Variants in FAM184A observed in about 807,000 individuals in gnomAD.
FAM184A encodes the protein protein FAM184A.
In FAM184A, 99 loss-of-function variants were observed where a neutral mutation model predicts 143.8. The ratio of observed to expected loss-of-function variants is 0.69; its 90% CI spans 0.58 to 0.81. The LOEUF (loss-of-function observed/expected upper bound fraction) is 0.81. FAM184A is among the 40% of genes least tolerant of loss of function. The pLI is 0.00. For missense variants in FAM184A, 1,217 were observed against 1,310.5 expected (o/e 0.93, Z 1.10); for synonymous variants, 427 against 446.4 (o/e 0.96, Z 0.55).
intron 1 of FAM184A, among the ~76,000 whole-genome samples, chr6:119,069,507 C>A (rs1256011623): frequency 6.6e-6 from 1 of 152,178 alleles, no homozygotes; most frequent in Non-Finnish European, 1.5e-5. Context: ...ATCTGCTCAA[C>A]CACCAAGGCC....
At chr6:119,059,559 T>C (rs910649529) in intron 1 of FAM184A, among the ~76,000 whole-genome samples, 14 of 152,328 alleles carry the variant, frequency 9.2e-5, no homozygotes, top group East Asian at 5.8e-4. Flanking sequence ...TTCCAACTTA[T>C]TTGTTTTAAA....
intron 1 of FAM184A, among the ~76,000 whole-genome samples, chr6:119,052,294 A>G (rs1332001211): frequency 6.6e-6 from 1 of 152,170 alleles, no homozygotes; most frequent in African/African-American, 2.4e-5. Flanking sequence ...ATGTTACCTA[A>G]GAGTTCCTCC....
intron 5 of FAM184A, among the ~76,000 whole-genome samples, chr6:119,015,685 G>A (rs1485632066): frequency 6.6e-6 from 1 of 152,292 alleles, no homozygotes; most frequent in East Asian, 1.9e-4. Flanking sequence ...CAGTCCCATC[G>A]ACCGCCCAAG....
At chr6:119,054,886 T>G (rs1786900216) in intron 1 of FAM184A, among the ~76,000 whole-genome samples, 1 of 152,102 alleles carries the variant, frequency 6.6e-6, no homozygotes, top group Admixed American at 6.6e-5. Flanking sequence ...AATAACAGCT[T>G]TGAGATATAA....
At chr6:119,004,531 T>C (rs532631215) in intron 7 of FAM184A, among the ~76,000 whole-genome samples, 1 of 152,374 alleles carries the variant, frequency 6.6e-6, no homozygotes, top group Non-Finnish European at 1.5e-5. Context: ...CTAGTAATTC[T>C]TTAATTTTCC....
At chr6:119,027,564 A>G (rs1452685919) in intron 1 of FAM184A, among the ~76,000 whole-genome samples, 1 of 152,206 alleles carries the variant, frequency 6.6e-6, no homozygotes, top group Non-Finnish European at 1.5e-5. Flanking sequence ...GGAAAACCCC[A>G]AAGTTCCTTT....
intron 1 of FAM184A, among the ~76,000 whole-genome samples, chr6:119,100,789 T>G (rs1354873571): frequency 6.6e-6 from 1 of 151,802 alleles, no homozygotes; most frequent in African/African-American, 2.4e-5. Context: ...AAACCTCGTC[T>G]CTACTAAAAA....
chr6:118,962,302 G>C (rs139869926), intron 16 of FAM184A: 33 of 233,040 alleles, frequency 1.4e-4, no homozygotes, highest in African/African-American at 6.3e-4. Context: ...TTAGGGGAGA[G>C]AGCAAGTCTT....
chr6:118,983,957 T>C (rs1401145103), intron 9 of FAM184A, among the ~76,000 whole-genome samples: 1 of 151,332 alleles, frequency 6.6e-6, no homozygotes, highest in African/African-American at 2.4e-5. Flanking sequence ...GAGACCGGCC[T>C]GGCCAACATG....
In FAM184A at chr6:118,974,656, A is replaced by G. The variant is rs939489992; in HGVS notation, c.2769-82T>C. ...TTTCTATTATTCTACCAGATTTGAA[A>G]TGGTTTTTGGTATAATATATAGAAA... is the stretch of plus-strand genomic sequence containing the variant. On this transcript the variant is annotated intron_variant, in intron 13 of 17. Coordinates refer to ENST00000338891, the MANE Select transcript of FAM184A (RefSeq NM_024581.6). 3.2e-6 allele frequency: 4 copies of G among 1,242,654 alleles called. No individual in the cohort carries two copies. The African/African-American group carries it at 6.1e-5, about 19-fold the overall frequency. 77.0% of individuals were successfully genotyped at this position (1,242,654 alleles called of 1,614,324 possible).
At chr6:119,028,871 G>C (rs181172592) in intron 1 of FAM184A, among the ~76,000 whole-genome samples, 50 of 152,230 alleles carry the variant, frequency 3.3e-4, no homozygotes, top group East Asian at 2.1e-3. Context: ...GCTATCTTCA[G>C]GCAGATAGTG....
At chr6:119,041,118 A>T (rs1483422168) in intron 1 of FAM184A, among the ~76,000 whole-genome samples, 1 of 152,148 alleles carries the variant, frequency 6.6e-6, no homozygotes, top group Non-Finnish European at 1.5e-5. Context: ...CAGTTAATGG[A>T]GAAATAAGCT....
At chr6:119,086,019 G>C (rs1185266346) in intron 1 of FAM184A, among the ~76,000 whole-genome samples, 1 of 152,038 alleles carries the variant, frequency 6.6e-6, no homozygotes, top group Non-Finnish European at 1.5e-5. Context: ...CTCCTACCAG[G>C]CTGCACCTCC....
chr6:119,144,466 G>A (rs1772356001), intron 1 of FAM184A, among the ~76,000 whole-genome samples: 1 of 152,304 alleles, frequency 6.6e-6, no homozygotes, highest in African/African-American at 2.4e-5. Flanking sequence ...GACAGGTGCT[G>A]GCTTTGCCCT....
intron 3 of FAM184A, among the ~76,000 whole-genome samples, chr6:119,022,600 C>T (rs543062384): frequency 7.9e-5 from 12 of 152,160 alleles, no homozygotes; most frequent in African/African-American, 2.9e-4. Context: ...TGGGGCCGAG[C>T]GTGGTGGCTC....
intron 9 of FAM184A, among the ~76,000 whole-genome samples, chr6:118,990,686 C>T (rs528108745): frequency 1.6e-4 from 24 of 150,266 alleles, no homozygotes; most frequent in African/African-American, 5.4e-4. Context: ...GCCAACATGG[C>T]GAAACCTCGT....
chr6:119,030,770 T>C (rs1376497457), intron 1 of FAM184A, among the ~76,000 whole-genome samples: 1 of 151,512 alleles, frequency 6.6e-6, no homozygotes, highest in African/African-American at 2.4e-5. Flanking sequence ...TTTTTACAAA[T>C]AGAAAAAAAA....
At chr6:119,091,581 G>A (rs1194160143) in intron 1 of FAM184A, among the ~76,000 whole-genome samples, 1 of 152,170 alleles carries the variant, frequency 6.6e-6, no homozygotes, top group Non-Finnish European at 1.5e-5. Flanking sequence ...GCAAACTGAT[G>A]TTATACAGGT....
chr6:118,994,156 A>G (rs982988706), intron 9 of FAM184A, among the ~76,000 whole-genome samples: 1 of 152,152 alleles, frequency 6.6e-6, no homozygotes, highest in African/African-American at 2.4e-5. Context: ...TTTAACACCC[A>G]ATTTGCAGTT....
Sources: allele counts gnomAD v4.1 joint callset (sites outside exome capture counted in the v4.1 genomes callset), GRCh38; gene constraint gnomAD v4.1.1; transcripts MANE v1.5; gene names NCBI Gene and HGNC (gene_info 2026-07-23, HGNC 2026-07-21).